The following SLC13A4 variants were observed in gnomAD, a reference collection of about 807,000 sequenced individuals.
SLC13A4 encodes the protein solute carrier family 13 member 4, also known as Na(+)/sulfate cotransporter SUT-1.
Under a neutral mutation model 72.7 loss-of-function variants are expected in SLC13A4, and 28 were observed. The ratio of observed to expected loss-of-function variants is 0.39; its 90% CI spans 0.29 to 0.53. SLC13A4 has a LOEUF of 0.53. Ranked by LOEUF, SLC13A4 falls within the 20% of genes least tolerant of loss-of-function variation. The probability of loss-of-function intolerance (pLI) is 0.78; values close to 1 mark genes in which losing one functional copy is unlikely to be tolerated. For missense variants in SLC13A4, 653 were observed against 788.0 expected (o/e 0.83, Z 2.05); for synonymous variants, 312 against 325.5 (o/e 0.96, Z 0.45).
chr7:135,695,982 T>A (rs1173962269), intron 8 of SLC13A4, among the ~76,000 whole-genome samples: 1 of 152,232 alleles, frequency 6.6e-6, no homozygotes, highest in Non-Finnish European at 1.5e-5. Flanking sequence ...AATCTCCAAA[T>A]CTTTATCAAC....
At position 135,727,530 on chromosome 7, in the gene SLC13A4, C is replaced by T. The variant is rs1243137844; in HGVS notation, c.-34G>A. 1 of 1,529,628 alleles carries T rather than the reference C, an allele frequency of 6.5e-7. No individual in the cohort carries two copies. The allele number at this position is 1,529,628 out of a possible 1,614,324, so 94.8% of individuals were successfully genotyped here. ...TGTCCTCTCCAGCTCGTCCTTGGAC[C>T]CCGCTCTGCCGGCGAAAGGCTTCCT... On this transcript the variant is annotated 5_prime_UTR_variant, in exon 1 of 16. Coordinates refer to ENST00000682651, the MANE Select transcript of SLC13A4 (RefSeq NM_001318192.2).
chr7:135,693,595 A>G (rs979040457), intron 10 of SLC13A4, among the ~76,000 whole-genome samples: 2 of 152,218 alleles, frequency 1.3e-5, no homozygotes, highest in Non-Finnish European at 2.9e-5. Flanking sequence ...GTATGTGCCA[A>G]TTGCCATAAA....
intron 15 of SLC13A4, chr7:135,683,746 T>G: frequency 1.0e-6 from 1 of 985,430 alleles, no homozygotes; most frequent in Non-Finnish European, 1.2e-6. Context: ...ATACACTTCC[T>G]CATTCTCATC....
intron 9 of SLC13A4, among the ~76,000 whole-genome samples, chr7:135,694,769 G>T (rs1795864666): frequency 6.6e-6 from 1 of 152,170 alleles, no homozygotes; most frequent in Non-Finnish European, 1.5e-5. Flanking sequence ...TCATTGGTTT[G>T]ACAACAGTCT....
chr7:135,718,722 C>T (rs1796482421), intron 2 of SLC13A4, among the ~76,000 whole-genome samples: 1 of 151,966 alleles, frequency 6.6e-6, no homozygotes, highest in Non-Finnish European at 1.5e-5. Context: ...GAAGAATAAC[C>T]CAAGTCGCAG....
intron 2 of SLC13A4, among the ~76,000 whole-genome samples, chr7:135,715,449 ATG>A (rs1796411281): frequency 6.6e-6 from 1 of 150,706 alleles, no homozygotes; most frequent in African/African-American, 2.4e-5. Context: ...GAGTGTGTGA[ATG>A]TGCATTAGTG....
chr7:135,695,382 C>T lies in SLC13A4; in HGVS notation c.1005G>A (p.Leu335=), dbSNP rs576056042. The change falls in exon 9 of 16, where the codon CTG becomes CTA. Residue 335 remains leucine (L), a synonymous_variant. Transcript: ENST00000682651. ...CTGGAACTCACTTGCAGCCCAGGAA[C>T]AGCCAGTGCATCCAGAACCAGCTGA... ...LVVSWFWMHW[L]FLGCNFKETC... 5.8e-5 allele frequency: 94 copies of T among 1,614,068 alleles called. 2 individuals carry two copies. The South Asian group carries it at 9.3e-4, about 16-fold the overall frequency.
chr7:135,721,560 T>G, intron 1 of SLC13A4, 37 bp from the exon 2 acceptor site: 1 of 1,611,344 alleles, frequency 6.2e-7, no homozygotes, highest in Non-Finnish European at 8.5e-7. Context: ...TTCACAGGAA[T>G]AGTCACTGCC....
chr7:135,709,821 G>T (rs1349988653), intron 2 of SLC13A4, among the ~76,000 whole-genome samples: 2 of 152,106 alleles, frequency 1.3e-5, no homozygotes, highest in Non-Finnish European at 2.9e-5. Flanking sequence ...TTCCTCCTGG[G>T]CACCATTAAT....
At chr7:135,722,920 C>T (rs1796577958) in intron 1 of SLC13A4, among the ~76,000 whole-genome samples, 1 of 152,134 alleles carries the variant, frequency 6.6e-6, no homozygotes, top group South Asian at 2.1e-4. Flanking sequence ...AGCATCAGCT[C>T]CTAACTCAGT....
chr7:135,715,111 A>G (rs3110806), intron 2 of SLC13A4, among the ~76,000 whole-genome samples: 27,422 of 149,474 alleles, frequency 0.18, 2,759 homozygotes, highest in Admixed American at 0.3. Flanking sequence ...GTGAGCGTGT[A>G]TGAGTTTATG....
intron 2 of SLC13A4, among the ~76,000 whole-genome samples, chr7:135,713,646 C>T (rs954440217): frequency 1.3e-4 from 20 of 152,058 alleles, no homozygotes; most frequent in African/African-American, 4.1e-4. Flanking sequence ...AGCCTGATCT[C>T]GGCTCACTGC....
intron 1 of SLC13A4, among the ~76,000 whole-genome samples, chr7:135,724,171 G>A (rs1016402471): frequency 1.3e-5 from 2 of 152,104 alleles, no homozygotes; most frequent in Non-Finnish European, 2.9e-5. Flanking sequence ...CAAGTTACAA[G>A]TTAAGGGGAA....
chr7:135,695,356 C>T lies in SLC13A4; in HGVS notation c.1019+12G>A, dbSNP rs1266651509. ...GGCTTCAGTGCTTTGCTGAAAGGGCCCTGGAACTCACTTGCAGCCCAGGAA... is the reference window on the plus strand; with the variant it reads ...GGCTTCAGTGCTTTGCTGAAAGGGCTCTGGAACTCACTTGCAGCCCAGGAA... On this transcript the variant is annotated intron_variant, in intron 9 of 15. Transcript: ENST00000682651. 2 of 1,613,646 alleles carry T rather than the reference C, an allele frequency of 1.2e-6. No individual in the cohort carries two copies. The highest frequency in any genetic ancestry group is 8.5e-7 in the Non-Finnish European group (1 of 1,179,806).
intron 10 of SLC13A4, among the ~76,000 whole-genome samples, chr7:135,693,791 C>T (rs1252427015): frequency 1.3e-5 from 2 of 152,168 alleles, no homozygotes; most frequent in African/African-American, 4.8e-5. Flanking sequence ...TGTGGTGGCG[C>T]GTCTGAGCAA....
At chr7:135,684,349 G>A in intron 14 of SLC13A4, 88 bp from the exon 15 acceptor site, 2 of 1,479,562 alleles carry the variant, frequency 1.4e-6, no homozygotes, top group South Asian at 2.7e-5. Context: ...ATGATGACTT[G>A]GTGCTGGCTA....
chr7:135,683,975 T>G, intron 15 of SLC13A4, 149 bp downstream of exon 15: 3 of 961,024 alleles, frequency 3.1e-6, no homozygotes, highest in Non-Finnish European at 4.2e-6. Flanking sequence ...AAAAACCTTT[T>G]TATAGGTGCT....
At position 135,685,693 on chromosome 7, in the gene SLC13A4, G is replaced by T; in HGVS notation, c.1447-10C>A. 1 of 1,609,402 alleles carries T rather than the reference G, an allele frequency of 6.2e-7. No individual in the cohort carries two copies. Among genetic ancestry groups the T allele is most frequent in the Non-Finnish European group, 8.5e-7 (1 of 1,176,122 alleles). ...TAGAGAGGCCAGAGCTCTGTAGGAAGAGGTGTTACAGTAAGAAGAAAGGAG... is the reference window on the plus strand; with the variant it reads ...TAGAGAGGCCAGAGCTCTGTAGGAATAGGTGTTACAGTAAGAAGAAAGGAG... On this transcript the variant is annotated splice_polypyrimidine_tract_variant and intron_variant, in intron 13 of 15. Coordinates refer to ENST00000682651, the MANE Select transcript of SLC13A4 (RefSeq NM_001318192.2).
intron 13 of SLC13A4, among the ~76,000 whole-genome samples, chr7:135,687,718 A>G (rs1313051067): frequency 1.3e-5 from 2 of 152,206 alleles, no homozygotes; most frequent in East Asian, 3.8e-4. Context: ...GCAGGGGAGG[A>G]ACAGCAGTTA....
Sources: allele counts gnomAD v4.1 joint callset (sites outside exome capture counted in the v4.1 genomes callset), GRCh38; gene constraint gnomAD v4.1.1; transcripts MANE v1.5; gene names NCBI Gene and HGNC (gene_info 2026-07-23, HGNC 2026-07-21).